Variants in SDK1 observed in about 807,000 individuals in gnomAD.
SDK1 encodes sidekick cell adhesion molecule 1.
A neutral mutation model predicts 245.5 loss-of-function variants in SDK1; 157 were observed. That is an observed-to-expected ratio of 0.64 (90% CI 0.56 to 0.73). The LOEUF (loss-of-function observed/expected upper bound fraction) is 0.73. Ranked by LOEUF, SDK1 falls within the 30% of genes least tolerant of loss-of-function variation. The pLI is 0.00. For synonymous variants in SDK1, 1,647 were observed against 1,278.5 expected (o/e 1.29, Z -6.15); for missense variants, 3,583 against 3,002.3 (o/e 1.19, Z -4.52).
chr7:3,435,252 T>C (rs1025277448), intron 1 of SDK1, among the ~76,000 whole-genome samples: 1 of 150,816 alleles, frequency 6.6e-6, no homozygotes, highest in Non-Finnish European at 1.5e-5. Flanking sequence ...CAGATTATAC[T>C]GGAGAGATCT....
intron 5 of SDK1, among the ~76,000 whole-genome samples, chr7:3,927,275 G>A (rs1779805813): frequency 6.6e-6 from 1 of 152,154 alleles, no homozygotes; most frequent in African/African-American, 2.4e-5. Flanking sequence ...ATTGCTAATT[G>A]AAATAGAATT....
intron 1 of SDK1, among the ~76,000 whole-genome samples, chr7:3,511,655 C>T (rs928841767): frequency 7.2e-5 from 11 of 151,976 alleles, no homozygotes; most frequent in Admixed American, 5.2e-4. Context: ...GTAGTATTTA[C>T]CAATTATTTT....
chr7:3,601,559 C>T (rs1312865578), intron 1 of SDK1, among the ~76,000 whole-genome samples: 1 of 151,590 alleles, frequency 6.6e-6, no homozygotes, highest in Non-Finnish European at 1.5e-5. Flanking sequence ...GCAGTGATAC[C>T]ATTGTTGGTG....
chr7:3,742,538 A>C (rs1779505950), intron 4 of SDK1, among the ~76,000 whole-genome samples: 1 of 152,144 alleles, frequency 6.6e-6, no homozygotes, highest in South Asian at 2.1e-4. Flanking sequence ...ATTTGCCTTC[A>C]TACAGTCTGC....
At chr7:3,986,907 C>G (rs1186465566) in intron 13 of SDK1, among the ~76,000 whole-genome samples, 1 of 152,122 alleles carries the variant, frequency 6.6e-6, no homozygotes, top group African/African-American at 2.4e-5. Context: ...TGCGTCCCCT[C>G]CCCCTATTTA....
intron 4 of SDK1, among the ~76,000 whole-genome samples, chr7:3,692,400 G>C (rs1359893156): frequency 3.3e-5 from 5 of 152,040 alleles, no homozygotes; most frequent in East Asian, 3.9e-4. Context: ...TTTAGAATTT[G>C]GGATCATACT....
At chr7:3,553,732 G>C (rs1413426457) in intron 1 of SDK1, among the ~76,000 whole-genome samples, 1 of 152,188 alleles carries the variant, frequency 6.6e-6, no homozygotes, top group Non-Finnish European at 1.5e-5. Flanking sequence ...GTCCAGCTGA[G>C]TAGCTTCTTT....
intron 4 of SDK1, among the ~76,000 whole-genome samples, chr7:3,785,553 G>C (rs1385638352): frequency 6.6e-6 from 1 of 152,068 alleles, no homozygotes; most frequent in East Asian, 1.9e-4. Context: ...GAAAACAGAA[G>C]ACAAAATATA....
chr7:3,796,254 A>G (rs988316986), intron 4 of SDK1, among the ~76,000 whole-genome samples: 2 of 152,270 alleles, frequency 1.3e-5, no homozygotes, highest in African/African-American at 2.4e-5. Context: ...AGTGAAAGCT[A>G]TGCTAAAGCA....
chr7:3,480,893 G>C (rs1324327106), intron 1 of SDK1, among the ~76,000 whole-genome samples: 2 of 152,196 alleles, frequency 1.3e-5, no homozygotes, highest in Non-Finnish European at 2.9e-5. Context: ...CTTCCAGTTA[G>C]TGTTTCTCTG....
chr7:4,230,011 G>A (rs926265963), intron 40 of SDK1, among the ~76,000 whole-genome samples: 2 of 144,698 alleles, frequency 1.4e-5, no homozygotes. Flanking sequence ...GATAATGGAT[G>A]GATGGATGGA....
chr7:3,315,567 A>AC (rs558330435), intron 1 of SDK1, among the ~76,000 whole-genome samples: 30 of 152,270 alleles, frequency 2.0e-4, no homozygotes, highest in East Asian at 1.9e-3. Context: ...GTAAGAAATT[A>AC]CTGTTTTATA....
intron 17 of SDK1, among the ~76,000 whole-genome samples, chr7:4,036,346 G>GT (rs550723425): frequency 5.3e-5 from 8 of 152,152 alleles, no homozygotes; most frequent in South Asian, 2.1e-4. Context: ...TTGTGATCGT[G>GT]TAAATGGATT....
rs114643983 is a variant in SDK1, at chr7:3,796,082, C to G, written c.714-25368C>G. On this transcript the variant is annotated intron_variant, in intron 4 of 44. Coordinates refer to ENST00000404826, the MANE Select transcript of SDK1 (RefSeq NM_152744.4). ...GTGTAGTCTTTCTCTTTCTTTGGCT[C>G]TCTTGATTTGCTTACAGGCATAAGT... is the stretch of plus-strand genomic sequence containing the variant. Among the ~76,000 whole-genome samples the G allele has an allele frequency of 4.0e-3, 615 of 152,236 alleles. 4 individuals carry two copies. Among genetic ancestry groups the G allele is most frequent in the African/African-American group, 0.014 (591 of 41,540 alleles).
At chr7:3,680,109 G>GGAATGAAT (rs1280253155) in intron 4 of SDK1, among the ~76,000 whole-genome samples, 1 of 152,120 alleles carries the variant, frequency 6.6e-6, no homozygotes, top group Non-Finnish European at 1.5e-5. Flanking sequence ...GGCAATAAAA[G>GGAATGAAT]GAATGAATGA....
At chr7:3,365,260 T>C (rs1313143742) in intron 1 of SDK1, among the ~76,000 whole-genome samples, 1 of 152,182 alleles carries the variant, frequency 6.6e-6, no homozygotes, top group Non-Finnish European at 1.5e-5. Context: ...ATTGTATTCA[T>C]TTTCAGTTTG....
intron 1 of SDK1, among the ~76,000 whole-genome samples, chr7:3,552,367 T>A (rs1779447379): frequency 6.6e-6 from 1 of 152,156 alleles, no homozygotes; most frequent in Non-Finnish European, 1.5e-5. Context: ...ACCCTGTGGT[T>A]CCTGGAAGTT....
intron 1 of SDK1, among the ~76,000 whole-genome samples, chr7:3,399,681 G>A (rs1023631397): frequency 1.3e-5 from 2 of 152,034 alleles, no homozygotes; most frequent in African/African-American, 4.8e-5. Flanking sequence ...AATCTCTGTT[G>A]GGTTTGATTA....
chr7:3,327,369 T>A (rs1157373180), intron 1 of SDK1, among the ~76,000 whole-genome samples: 1 of 152,138 alleles, frequency 6.6e-6, no homozygotes, highest in Non-Finnish European at 1.5e-5. Context: ...GCAATAAATT[T>A]TATCTCCTCT....
Sources: gnomAD v4.1 joint callset for allele counts (sites outside exome capture counted in the v4.1 genomes callset) on GRCh38, gnomAD v4.1.1 for gene constraint, MANE v1.5 for transcripts, NCBI Gene and HGNC (gene_info 2026-07-23, HGNC 2026-07-21) for gene names.